HMGB1: variants seen among roughly 807,000 people sequenced by gnomAD.
The protein encoded by HMGB1 is high mobility group protein B1.
For synonymous variants in HMGB1, 81 were observed against 84.0 expected, an observed-to-expected ratio of 0.96 and a Z score of 0.19; for missense variants, 79 against 253.5, an observed-to-expected ratio of 0.31 and a Z score of 4.67.
chr13:30,538,490 C>CTTTCT (rs1555238737), intron 1 of HMGB1, among the ~76,000 whole-genome samples: 1 of 60,764 alleles, frequency 1.6e-5, no homozygotes, highest in African/African-American at 5.3e-5. Flanking sequence ...TTCTTTCTTT[C>CTTTCT]TTTCTTTCTT....
chr13:30,537,652 CATATATATATATATAT>C (rs58424009), intron 1 of HMGB1, among the ~76,000 whole-genome samples: 7,649 of 68,122 alleles, frequency 0.11, 713 homozygotes, highest in African/African-American at 0.24. Context: ...CATTCTTGTT[CATATATATATATATAT>C]ATATATATAT....
At chr13:30,592,873 A>T (rs1371974218) in intron 1 of HMGB1, among the ~76,000 whole-genome samples, 79 of 140,140 alleles carry the variant, frequency 5.6e-4, no homozygotes, top group African/African-American at 1.8e-3. Context: ...CTTTTTTTTA[A>T]AAAAAAAAAA....
At chr13:30,520,484 G>A (rs921180744) in intron 1 of HMGB1, among the ~76,000 whole-genome samples, 2 of 151,754 alleles carry the variant, frequency 1.3e-5, no homozygotes, top group African/African-American at 2.4e-5. Context: ...GTCAGGTGTG[G>A]TGGCGTATGC....
intron 1 of HMGB1, among the ~76,000 whole-genome samples, chr13:30,481,640 A>G (rs997173278): frequency 6.6e-5 from 10 of 152,178 alleles, no homozygotes; most frequent in African/African-American, 2.4e-4. Flanking sequence ...AAATCAGTGG[A>G]TGGGACACAA....
chr13:30,583,839 A>AAAAAG (rs1555242864), intron 1 of HMGB1, among the ~76,000 whole-genome samples: 335 of 137,686 alleles, frequency 2.4e-3, no homozygotes, highest in African/African-American at 6.7e-3. Flanking sequence ...AAAAAAAAAA[A>AAAAAG]AAAGAAAGAA....
At chr13:30,556,485 T>C (rs191534751) in intron 1 of HMGB1, among the ~76,000 whole-genome samples, 5 of 152,292 alleles carry the variant, frequency 3.3e-5, no homozygotes, top group Non-Finnish European at 7.3e-5. Context: ...CTATTCTCAA[T>C]AGCCAAGATA....
At chr13:30,577,704 C>A (rs1870719464) in intron 1 of HMGB1, among the ~76,000 whole-genome samples, 1 of 152,210 alleles carries the variant, frequency 6.6e-6, no homozygotes, top group Non-Finnish European at 1.5e-5. Context: ...TCAGTAACCT[C>A]CCTGTGAAAT....
intron 1 of HMGB1, among the ~76,000 whole-genome samples, chr13:30,541,473 T>C (rs1432048968): frequency 1.4e-5 from 2 of 146,756 alleles, no homozygotes; most frequent in African/African-American, 2.7e-5. Flanking sequence ...AGTCTAAATC[T>C]CACAAAGCAC....
chr13:30,459,342 C>A lies in HMGB1; in HGVS notation c.*2015G>T, dbSNP rs1389962127. 1 of 152,108 alleles carries A rather than the reference C, an allele frequency of 6.6e-6. No individual in the cohort carries two copies. Among genetic ancestry groups the A allele is most frequent in the African/African-American group, 2.4e-5 (1 of 41,434 alleles). 9.4% of individuals were successfully genotyped at this position (152,108 alleles called of 1,614,324 possible). A position where few individuals can be genotyped will look rare whatever the true frequency, so the allele number is the denominator to read the frequency against. ...AAACCCTAAAAAAACTGTTCCCATT[C>A]TCAACATCTTAAAAAAATGGTAGTT... is the stretch of plus-strand genomic sequence containing the variant. On this transcript the variant is annotated 3_prime_UTR_variant, in exon 5 of 5. Transcript: ENST00000341423.
At chr13:30,508,780 G>A (rs1306063695) in intron 1 of HMGB1, among the ~76,000 whole-genome samples, 2 of 152,038 alleles carry the variant, frequency 1.3e-5, no homozygotes, top group Non-Finnish European at 2.9e-5. Flanking sequence ...CAGACTATGT[G>A]CAAACACTTT....
At chr13:30,616,560 C>T (rs1330496789) in intron 1 of HMGB1, 1 of 152,150 alleles carries the variant, frequency 6.6e-6, no homozygotes, top group Non-Finnish European at 1.5e-5. Context: ...GTACTACTTT[C>T]TCCAATTTTA....
chr13:30,566,966 C>T (rs557780024), intron 1 of HMGB1, among the ~76,000 whole-genome samples: 13 of 152,278 alleles, frequency 8.5e-5, no homozygotes, highest in African/African-American at 1.4e-4. Flanking sequence ...TTGATGAACA[C>T]GAGTTTTGAT....
At chr13:30,535,559 G>C (rs1265317260) in intron 1 of HMGB1, among the ~76,000 whole-genome samples, 1 of 152,118 alleles carries the variant, frequency 6.6e-6, no homozygotes. Context: ...CATGCTTATT[G>C]TATCTTACCA....
At chr13:30,537,013 G>A (rs1016997158) in intron 1 of HMGB1, among the ~76,000 whole-genome samples, 9 of 152,074 alleles carry the variant, frequency 5.9e-5, no homozygotes, top group African/African-American at 1.2e-4. Context: ...TTCCCTGTTC[G>A]TATATTTGTG....
intron 1 of HMGB1, among the ~76,000 whole-genome samples, chr13:30,478,873 T>TC (rs1245782710): frequency 7.0e-6 from 1 of 142,840 alleles, no homozygotes; most frequent in African/African-American, 2.7e-5. Context: ...TTTCTTTTCT[T>TC]TTTTTTTTTT....
chr13:30,568,550 A>C (rs1199158034), intron 1 of HMGB1, among the ~76,000 whole-genome samples: 3 of 152,190 alleles, frequency 2.0e-5, no homozygotes, highest in Non-Finnish European at 4.4e-5. Context: ...GTAATAAAGA[A>C]TCTTGAGATA....
intron 1 of HMGB1, among the ~76,000 whole-genome samples, chr13:30,600,190 T>C (rs1221586438): frequency 6.6e-6 from 1 of 152,232 alleles, no homozygotes; most frequent in Non-Finnish European, 1.5e-5. Context: ...TGGCAATTTA[T>C]TTCCCCTGAA....
At chr13:30,610,381 G>C (rs1950502912) in intron 1 of HMGB1, among the ~76,000 whole-genome samples, 1 of 152,188 alleles carries the variant, frequency 6.6e-6, no homozygotes, top group Non-Finnish European at 1.5e-5. Context: ...GAAAAGGAAA[G>C]AGAAAACAGA....
chr13:30,592,280 T>G (rs986444921), intron 1 of HMGB1, among the ~76,000 whole-genome samples: 7 of 152,182 alleles, frequency 4.6e-5, no homozygotes, highest in Non-Finnish European at 1.0e-4. Context: ...TCACAGCTCC[T>G]TTTCTTTGGC....
Sources: gnomAD v4.1 joint callset for allele counts (sites outside exome capture counted in the v4.1 genomes callset) on GRCh38, gnomAD v4.1.1 for gene constraint, MANE v1.5 for transcripts, NCBI Gene and HGNC (gene_info 2026-07-23, HGNC 2026-07-21) for gene names.